Variants in ME1 observed in about 807,000 individuals in gnomAD.
ME1 encodes malic enzyme 1, also known as NADP-dependent malic enzyme.
In ME1, 74 loss-of-function variants were observed where a neutral mutation model predicts 66.4. That is an observed-to-expected ratio of 1.11 (90% CI 0.92 to 1.35). ME1 has a LOEUF of 1.35. ME1 is among the 40% of genes most tolerant of loss of function. The pLI, the probability that ME1 is intolerant of heterozygous loss-of-function variation, is 0.00. For missense variants in ME1, 750 were observed against 694.1 expected (o/e 1.08, Z -0.90); for synonymous variants, 251 against 235.6 (o/e 1.07, Z -0.60).
chr6:83,396,516 GAATT>G (rs1243856944), intron 3 of ME1, among the ~76,000 whole-genome samples: 1 of 152,078 alleles, frequency 6.6e-6, no homozygotes, highest in Non-Finnish European at 1.5e-5. Context: ...TGGATTGGAA[GAATT>G]AATATTGTTA....
intron 3 of ME1, among the ~76,000 whole-genome samples, chr6:83,376,517 G>A (rs1344710681): frequency 2.0e-5 from 3 of 149,034 alleles, no homozygotes; most frequent in Non-Finnish European, 4.5e-5. Context: ...AAGAAAAAAA[G>A]AGGCCGGGTG....
At chr6:83,388,989 C>T (rs1294049426) in intron 3 of ME1, among the ~76,000 whole-genome samples, 1 of 152,022 alleles carries the variant, frequency 6.6e-6, no homozygotes, top group Non-Finnish European at 1.5e-5. Flanking sequence ...CATGGTGGTG[C>T]ATGCCTGTAA....
intron 4 of ME1, among the ~76,000 whole-genome samples, chr6:83,351,296 C>A (rs1768798407): frequency 6.6e-6 from 1 of 152,070 alleles, no homozygotes; most frequent in Non-Finnish European, 1.5e-5. Flanking sequence ...AGCTGAAGTG[C>A]CTTTGTACCA....
intron 1 of ME1, among the ~76,000 whole-genome samples, chr6:83,429,763 G>A (rs1770446182): frequency 1.3e-5 from 2 of 152,088 alleles, no homozygotes; most frequent in African/African-American, 4.8e-5. Flanking sequence ...TCATTAATAT[G>A]ATCAACAAAT....
At chr6:83,224,683 CAAAAA>C (rs58210396) in intron 11 of ME1, among the ~76,000 whole-genome samples, 3,924 of 102,790 alleles carry the variant, frequency 0.038, 194 homozygotes, top group African/African-American at 0.12. Context: ...GATTCCAGCT[CAAAAA>C]AAAAAAAAAT....
chr6:83,426,921 G>A (rs1398932722), intron 1 of ME1, among the ~76,000 whole-genome samples: 1 of 151,986 alleles, frequency 6.6e-6, no homozygotes, highest in Non-Finnish European at 1.5e-5. Context: ...CCATTGCAAA[G>A]GGAAATAAAC....
At chr6:83,276,277 G>A (rs924899099) in intron 6 of ME1, among the ~76,000 whole-genome samples, 2 of 152,136 alleles carry the variant, frequency 1.3e-5, no homozygotes, top group Admixed American at 6.6e-5. Flanking sequence ...CTCCAGTAAA[G>A]GCTGATTTCT....
chr6:83,427,598 G>T (rs901314221), intron 1 of ME1, among the ~76,000 whole-genome samples: 2 of 152,034 alleles, frequency 1.3e-5, no homozygotes, highest in Non-Finnish European at 2.9e-5. Context: ...TCTGTTTAAA[G>T]ACAAAAATAA....
intron 6 of ME1, among the ~76,000 whole-genome samples, chr6:83,312,792 G>T (rs977051015): frequency 6.6e-5 from 10 of 151,860 alleles, no homozygotes; most frequent in African/African-American, 2.2e-4. Context: ...TTGCTCTGTT[G>T]CCCAGGCTGG....
chr6:83,278,999 TC>T (rs1218505786), intron 6 of ME1, among the ~76,000 whole-genome samples: 3 of 151,424 alleles, frequency 2.0e-5, no homozygotes, highest in Non-Finnish European at 2.9e-5. Flanking sequence ...AACAACCCCT[TC>T]CCCCCCAACC....
intron 4 of ME1, among the ~76,000 whole-genome samples, chr6:83,349,770 C>T (rs1284312489): frequency 1.3e-5 from 2 of 152,106 alleles, no homozygotes; most frequent in Non-Finnish European, 2.9e-5. Context: ...AATTTCAAAA[C>T]CTTTTACAGT....
intron 6 of ME1, among the ~76,000 whole-genome samples, chr6:83,286,583 A>T (rs1477899538): frequency 1.3e-5 from 2 of 152,162 alleles, no homozygotes; most frequent in African/African-American, 4.8e-5. Flanking sequence ...ACCTTCTCAT[A>T]ATATCTAAAT....
intron 5 of ME1, among the ~76,000 whole-genome samples, chr6:83,332,182 T>C (rs553936750): frequency 6.6e-6 from 1 of 152,272 alleles, no homozygotes; most frequent in Admixed American, 6.5e-5. Context: ...CTTAGTATTA[T>C]TAACTTAAAG....
intron 1 of ME1, among the ~76,000 whole-genome samples, chr6:83,420,901 TTGTTTTTGTTTTTTG>T (rs1770251612): frequency 6.6e-6 from 1 of 152,100 alleles, no homozygotes; most frequent in Non-Finnish European, 1.5e-5. Context: ...GTTGTTGTTT[TTGTTTTTGTTTTTTG>T]TTTTTTTGTT....
At chr6:83,250,658 C>T (rs549597030) in intron 7 of ME1, among the ~76,000 whole-genome samples, 93 of 152,326 alleles carry the variant, frequency 6.1e-4, no homozygotes, top group African/African-American at 2.1e-3. Flanking sequence ...CAAGATGCCA[C>T]CATCATAGAT....
intron 6 of ME1, among the ~76,000 whole-genome samples, chr6:83,302,728 T>C (rs1583368036): frequency 6.6e-6 from 1 of 152,074 alleles, no homozygotes; most frequent in Non-Finnish European, 1.5e-5. Flanking sequence ...GAAGGAGCAG[T>C]TTATACAGAG....
intron 9 of ME1, among the ~76,000 whole-genome samples, chr6:83,233,046 C>T (rs1369361174): frequency 4.6e-5 from 7 of 152,072 alleles, no homozygotes; most frequent in Admixed American, 1.3e-4. Flanking sequence ...GTTCTGTCAG[C>T]ATTAATTTCG....
intron 3 of ME1, among the ~76,000 whole-genome samples, chr6:83,364,304 A>G (rs553367713): frequency 6.6e-6 from 1 of 152,002 alleles, no homozygotes; most frequent in Admixed American, 6.5e-5. Flanking sequence ...CAGCTTTGGA[A>G]CTCAGACTGG....
At chr6:83,416,963 G>A (rs1250983460) in intron 1 of ME1, among the ~76,000 whole-genome samples, 1 of 151,102 alleles carries the variant, frequency 6.6e-6, no homozygotes, top group Non-Finnish European at 1.5e-5. Context: ...TTTATGCCAT[G>A]TTACATCTGT....
Sources: allele counts gnomAD v4.1 joint callset (sites outside exome capture counted in the v4.1 genomes callset), GRCh38; gene constraint gnomAD v4.1.1; transcripts MANE v1.5; gene names NCBI Gene and HGNC (gene_info 2026-07-23, HGNC 2026-07-21).